Variants in SGSM1 observed in about 807,000 individuals in gnomAD.
SGSM1 encodes RUN and TBC1 domain containing 2.
In SGSM1, 73 loss-of-function variants were observed where a neutral mutation model predicts 133.8. The observed-to-expected ratio is 0.55, with a 90% CI of 0.45 to 0.66. The LOEUF is 0.66. Among genes scored for constraint, SGSM1 ranks in the 30% least tolerant of loss-of-function variants. The pLI is 0.00. For missense variants in SGSM1, 1,213 were observed against 1,448.1 expected, an observed-to-expected ratio of 0.84 and a Z score of 2.64; for synonymous variants, 563 against 573.0, an observed-to-expected ratio of 0.98 and a Z score of 0.25.
intron 4 of SGSM1, among the ~76,000 whole-genome samples, chr22:24,848,545 C>T (rs1930280789): frequency 6.6e-6 from 1 of 152,180 alleles, no homozygotes; most frequent in Non-Finnish European, 1.5e-5. Context: ...CATGTGAGCA[C>T]CTTCAGCCAG....
intron 12 of SGSM1, 68 bp from the exon 13 acceptor site, chr22:24,876,509 T>G (rs1601945967): frequency 1.4e-3 from 2,161 of 1,543,924 alleles, no homozygotes; most frequent in Non-Finnish European, 1.7e-3. Flanking sequence ...TGCTCTAGGG[T>G]GAGATTTCTG....
At chr22:24,807,361 A>G (rs1601876014) in intron 2 of SGSM1, among the ~76,000 whole-genome samples, 1 of 152,114 alleles carries the variant, frequency 6.6e-6, no homozygotes, top group South Asian at 2.1e-4. Context: ...ATCTCTTTGC[A>G]CTGTGTGTAC....
chr22:24,868,765 T>G lies in SGSM1; in HGVS notation c.1201T>G (p.Ser401Ala), dbSNP rs1931602190. 7 of 1,614,024 alleles carry G rather than the reference T, an allele frequency of 4.3e-6. No individual in the cohort carries two copies. Among genetic ancestry groups the G allele is most frequent in the Non-Finnish European group, 5.9e-6 (7 of 1,179,898 alleles). ...PKLRKRSPQG[S>A]AESTSSDKDD... ...ACTGCGCAAGCGAAGCCCTCAGGGT[T>G]CTGCCGAGTCCACATCTTCAGACAA... The change falls in exon 12 of 25, where the codon TCT becomes GCT. Residue 401 changes from serine to alanine, a missense_variant. Transcript: ENST00000400358.
chr22:24,859,496 C>G (rs560553421), intron 8 of SGSM1: 1 of 621,078 alleles, frequency 1.6e-6, no homozygotes, highest in East Asian at 3.4e-5. Context: ...GCTTTCACAG[C>G]TGGACGATGT....
At chr22:24,864,690 G>C (rs541168845) in intron 9 of SGSM1, among the ~76,000 whole-genome samples, 1 of 152,198 alleles carries the variant, frequency 6.6e-6, no homozygotes, top group African/African-American at 2.4e-5. Flanking sequence ...AAGGAAGACT[G>C]ATCGCAAACA....
In SGSM1 at chr22:24,881,600, C is replaced by CAAAACAAAAAAAAA. The variant is rs1425127231; in HGVS notation, c.1495+2074_1495+2075insAAAACAAAAAAAAA. Among the ~76,000 whole-genome samples the CAAAACAAAAAAAAA allele has an allele frequency of 2.7e-5, 4 of 150,416 alleles. No individual in the cohort carries two copies. In the South Asian group the frequency reaches 8.3e-4, roughly 31 times the overall value. On this transcript the variant is annotated intron_variant, in intron 14 of 24. Coordinates refer to ENST00000400358, the MANE Select transcript of SGSM1 (RefSeq NM_001098497.3). ...ACAAAACAAAACAAAACAAAAAAAACCAGCAACAACAACAAAAATAGTTAT... is the reference window on the plus strand; with the variant it reads ...ACAAAACAAAACAAAACAAAAAAAACAAAACAAAAAAAAACAGCAACAACAACAAAAATAGTTAT...
intron 2 of SGSM1, among the ~76,000 whole-genome samples, chr22:24,837,863 A>G (rs1929555360): frequency 6.6e-6 from 1 of 152,242 alleles, no homozygotes; most frequent in Admixed American, 6.5e-5. Flanking sequence ...TGGAATAAAA[A>G]GTAACTGCTA....
At position 24,889,313 on chromosome 22, in the gene SGSM1, GCTT is replaced by G. The variant is rs202205650; in HGVS notation, c.1770+2589_1770+2591del. Reference sequence around the variant, plus strand: ...AAACAGATGCAATTCATATTTTTGAGCTTCTTATTTTGAAATATAAATGGTCCC... The same window carrying G: ...AAACAGATGCAATTCATATTTTTGAGCTTATTTTGAAATATAAATGGTCCC... On this transcript the variant is annotated intron_variant, in intron 16 of 24. Transcript: ENST00000400358. Among the ~76,000 whole-genome samples, 1,220 of 151,996 alleles carry G rather than the reference GCTT, an allele frequency of 8.0e-3. 28 individuals are homozygous for G. In the East Asian group the frequency reaches 0.085, roughly 11 times the overall value.
chr22:24,922,209 G>A (rs1317444832), intron 24 of SGSM1, among the ~76,000 whole-genome samples: 1 of 127,948 alleles, frequency 7.8e-6, no homozygotes, highest in South Asian at 2.4e-4. Flanking sequence ...TTGTGATGGC[G>A]TCTCGCTCTG....
intron 2 of SGSM1, among the ~76,000 whole-genome samples, chr22:24,839,506 G>A (rs1929667082): frequency 6.6e-6 from 1 of 152,214 alleles, no homozygotes; most frequent in Non-Finnish European, 1.5e-5. Flanking sequence ...CTTATAAAAT[G>A]AGTTTGGAAG....
chr22:24,922,422 C>T lies in SGSM1; in HGVS notation c.3194-1764C>T, dbSNP rs9624664. ...GTCTCGATCTCTTGACCTCGTGATC[C>T]GCCCACCTCGGCCTCCCAAAGATCT... On this transcript the variant is annotated intron_variant, in intron 24 of 24. Coordinates refer to ENST00000400358, the MANE Select transcript of SGSM1 (RefSeq NM_001098497.3). 5.2e-3 allele frequency among the ~76,000 whole-genome samples: 785 copies of T among 150,560 alleles called. 6 individuals carry two copies. The highest frequency in any genetic ancestry group is 0.011 in the Middle Eastern group (3 of 282).
intron 12 of SGSM1, chr22:24,874,708 C>T (rs1448200348): frequency 2.4e-6 from 3 of 1,247,848 alleles, no homozygotes; most frequent in Non-Finnish European, 3.2e-6. Context: ...TTGATGCCCT[C>T]CTGCTGTCCA....
chr22:24,851,072 G>T (rs940243241), intron 5 of SGSM1, among the ~76,000 whole-genome samples: 6 of 140,610 alleles, frequency 4.3e-5, no homozygotes, highest in Admixed American at 2.3e-4. Flanking sequence ...CTGCACTCCA[G>T]TCTGGGCAAC....
chr22:24,822,301 C>T (rs961911751), intron 2 of SGSM1, among the ~76,000 whole-genome samples: 1 of 151,892 alleles, frequency 6.6e-6, no homozygotes, highest in Non-Finnish European at 1.5e-5. Flanking sequence ...ACTGAGTTAG[C>T]CAGGATGGTC....
intron 2 of SGSM1, among the ~76,000 whole-genome samples, chr22:24,832,028 C>G (rs1929149845): frequency 6.6e-6 from 1 of 152,176 alleles, no homozygotes; most frequent in Non-Finnish European, 1.5e-5. Flanking sequence ...GGGAGGCCCC[C>G]CGGAATCCTG....
At chr22:24,863,767 GT>G in intron 9 of SGSM1, among the ~76,000 whole-genome samples, 1 of 149,228 alleles carries the variant, frequency 6.7e-6, no homozygotes, top group East Asian at 2.0e-4. Context: ...TTGAGATGGA[GT>G]TTCGCTCTTG....
intron 24 of SGSM1, among the ~76,000 whole-genome samples, chr22:24,922,184 T>C (rs1166447560): frequency 1.2e-4 from 17 of 143,328 alleles, no homozygotes; most frequent in African/African-American, 3.1e-4. Context: ...ACTTTCTTTT[T>C]TTTTTTTTTT....
rs200035794 is a variant in SGSM1, at chr22:24,850,346, A to G, written c.369A>G (p.Pro123=). The G allele has an allele frequency of 3.1e-6, 5 of 1,613,860 alleles. No individual in the cohort carries two copies. The highest frequency in any genetic ancestry group is 2.7e-5 in the African/African-American group (2 of 75,016). ...RKLPKLPNLS[P]LAIKHLWIRT... The stretch of plus-strand genomic sequence containing the variant: ...TGCCGAAGCTGCCCAACTTGTCCCC[A>G]CTTGCCATCAAGCATCTGTGGATTC... Residue 123 remains proline, a synonymous_variant, in exon 5 of 25, where the codon CCA becomes CCG. Coordinates refer to ENST00000400358, the MANE Select transcript of SGSM1 (RefSeq NM_001098497.3).
intron 9 of SGSM1, among the ~76,000 whole-genome samples, chr22:24,864,880 T>A (rs925303918): frequency 6.6e-6 from 1 of 152,252 alleles, no homozygotes; most frequent in African/African-American, 2.4e-5. Flanking sequence ...AAACAGCCCT[T>A]GCTCCTTCCT....
Sources: allele counts gnomAD v4.1 joint callset (sites outside exome capture counted in the v4.1 genomes callset), GRCh38; gene constraint gnomAD v4.1.1; transcripts MANE v1.5; gene names NCBI Gene and HGNC (gene_info 2026-07-23, HGNC 2026-07-21).